The following ARHGEF3 variants were observed in gnomAD, a reference collection of about 807,000 sequenced individuals.
The protein encoded by ARHGEF3 is Rho guanine nucleotide exchange factor 3.
A neutral mutation model predicts 63.2 loss-of-function variants in ARHGEF3; 28 were observed. The ratio of observed to expected loss-of-function variants is 0.44; its 90% confidence interval spans 0.33 to 0.61. The LOEUF is 0.61. Ranked by LOEUF, ARHGEF3 falls within the 20% of genes least tolerant of loss-of-function variation. The pLI, the probability that ARHGEF3 is intolerant of heterozygous loss-of-function variation, is 0.03. For missense variants in ARHGEF3, 533 were observed against 659.3 expected, an observed-to-expected ratio of 0.81 and a Z score of 2.10; for synonymous variants, 266 against 254.2, an observed-to-expected ratio of 1.05 and a Z score of -0.44.
At chr3:56,841,552 A>C (rs2039309559) in intron 4 of ARHGEF3, among the ~76,000 whole-genome samples, 1 of 152,158 alleles carries the variant, frequency 6.6e-6, no homozygotes, top group Non-Finnish European at 1.5e-5. Context: ...AGAAATTTTA[A>C]AAATTTAAGT....
chr3:56,883,680 C>A, intron 3 of ARHGEF3, among the ~76,000 whole-genome samples: 1 of 152,172 alleles, frequency 6.6e-6, no homozygotes, highest in Middle Eastern at 3.2e-3. Flanking sequence ...CTCTTCTGCA[C>A]CCCCAGCTCA....
chr3:56,990,088 AT>A (rs1665995411), intron 2 of ARHGEF3, among the ~76,000 whole-genome samples: 1 of 152,224 alleles, frequency 6.6e-6, no homozygotes, highest in Non-Finnish European at 1.5e-5. Flanking sequence ...GCTCTGCCCC[AT>A]CTACCATCTT....
chr3:57,015,941 A>G (rs1463694236), intron 2 of ARHGEF3, among the ~76,000 whole-genome samples: 1 of 152,032 alleles, frequency 6.6e-6, no homozygotes, highest in East Asian at 1.9e-4. Context: ...TGGATCTCCA[A>G]TCCCCAGATG....
chr3:57,003,021 C>T (rs76568147), intron 2 of ARHGEF3, among the ~76,000 whole-genome samples: 32,849 of 151,282 alleles, frequency 0.22, 4,039 homozygotes, highest in Middle Eastern at 0.3. Context: ...CCACCCACCT[C>T]GGCCTCCCAA....
chr3:57,027,795 G>A (rs552251358), intron 2 of ARHGEF3, among the ~76,000 whole-genome samples: 1 of 152,182 alleles, frequency 6.6e-6, no homozygotes, highest in South Asian at 2.1e-4. Context: ...GGAGGTGGAG[G>A]TTGCAGTGAG....
At chr3:57,068,738 A>G (rs1579212250) in intron 1 of ARHGEF3, among the ~76,000 whole-genome samples, 1 of 152,038 alleles carries the variant, frequency 6.6e-6, no homozygotes, top group South Asian at 2.1e-4. Flanking sequence ...GAAGCGCCAA[A>G]CCTCAACTGT....
intron 2 of ARHGEF3, among the ~76,000 whole-genome samples, chr3:56,755,799 A>G (rs2035036938): frequency 6.6e-6 from 1 of 152,174 alleles, no homozygotes; most frequent in Admixed American, 6.5e-5. Context: ...CCCTAGTTAC[A>G]CAGAAGCATC....
chr3:56,775,836 C>T, intron 1 of ARHGEF3: 1 of 293,648 alleles, frequency 3.4e-6, no homozygotes, highest in Non-Finnish European at 5.1e-6. Context: ...TCTTAAGCAT[C>T]CCCTGAATTT....
intron 1 of ARHGEF3, among the ~76,000 whole-genome samples, chr3:57,035,688 G>A (rs948204420): frequency 2.6e-5 from 4 of 152,218 alleles, no homozygotes; most frequent in African/African-American, 9.6e-5. Context: ...GGGAGATATA[G>A]CCAAATATCT....
chr3:56,884,143 C>T (rs377239072), intron 3 of ARHGEF3, among the ~76,000 whole-genome samples: 10 of 152,268 alleles, frequency 6.6e-5, no homozygotes, highest in African/African-American at 2.4e-4. Context: ...CTCTGAGCCA[C>T]CTTTTCTCAA....
chr3:56,807,256 T>C (rs2037897063), intron 4 of ARHGEF3, among the ~76,000 whole-genome samples: 1 of 152,170 alleles, frequency 6.6e-6, no homozygotes, highest in African/African-American at 2.4e-5. Context: ...AATGAATGCT[T>C]ATTACAGTCA....
chr3:56,957,016 C>T (rs1258981623), intron 3 of ARHGEF3, among the ~76,000 whole-genome samples: 1 of 152,188 alleles, frequency 6.6e-6, no homozygotes, highest in Non-Finnish European at 1.5e-5. Flanking sequence ...CAGTAGCGAG[C>T]ATATTTAGTT....
intron 2 of ARHGEF3, among the ~76,000 whole-genome samples, chr3:56,967,700 A>T (rs1392511901): frequency 1.7e-4 from 12 of 72,142 alleles, no homozygotes; most frequent in African/African-American, 6.7e-4. Flanking sequence ...AACATAATAA[A>T]CATTATATTA....
At position 56,958,927 on chromosome 3, in the gene ARHGEF3, T is replaced by C. The variant is rs1043519781; in HGVS notation, c.63-38A>G. The C allele has an allele frequency of 2.6e-6, 4 of 1,527,034 alleles. No homozygotes were observed. The Admixed American group carries it at 5.9e-5, about 22-fold the overall frequency. The allele number at this position is 1,527,034 out of a possible 1,614,324, so 94.6% of individuals were successfully genotyped here. ...AGACAATGTATTCATTATTCAGTGG[T>C]TGGATATTCAGAGGAAGTCACTGCT... On this transcript the variant is annotated intron_variant, in intron 2 of 12. Coordinates refer to the ARHGEF3 transcript ENST00000338458.
rs145751344 is a variant in ARHGEF3, at chr3:57,013,965, C to T, written c.62+21123G>A. Among the ~76,000 whole-genome samples the T allele has an allele frequency of 1.2e-4, 19 of 152,318 alleles. No homozygotes were observed. In the East Asian group the frequency reaches 1.9e-3, roughly 15 times the overall value. ...TTTCCACTCTGGGGAAGTTTTGTTC[C>T]TCTGCTCTTTGCAATAAATCTTGCT... is the stretch of plus-strand genomic sequence containing the variant. On this transcript the variant is annotated intron_variant, in intron 2 of 12. Coordinates refer to the ARHGEF3 transcript ENST00000338458.
At chr3:56,777,940 G>A (rs2036363211) in intron 1 of ARHGEF3, among the ~76,000 whole-genome samples, 2 of 152,132 alleles carry the variant, frequency 1.3e-5, no homozygotes, top group Non-Finnish European at 2.9e-5. Flanking sequence ...AGTTGATGGA[G>A]CCAAATAAAA....
intron 1 of ARHGEF3, among the ~76,000 whole-genome samples, chr3:56,793,571 G>A (rs917592560): frequency 6.6e-6 from 1 of 152,162 alleles, no homozygotes; most frequent in African/African-American, 2.4e-5. Flanking sequence ...CCAAAGTGCT[G>A]GGATTACAGG....
chr3:56,780,960 T>A (rs530850845), intron 1 of ARHGEF3, among the ~76,000 whole-genome samples: 4 of 152,358 alleles, frequency 2.6e-5, no homozygotes, highest in Admixed American at 2.6e-4. Context: ...AATGTGACCT[T>A]ATTTGGAAAT....
chr3:56,971,335 CA>C (rs1434344776), intron 2 of ARHGEF3, among the ~76,000 whole-genome samples: 1 of 152,160 alleles, frequency 6.6e-6, no homozygotes, highest in Non-Finnish European at 1.5e-5. Context: ...GATCTGTATT[CA>C]CCCCAGTCAT....
Sources: allele counts gnomAD v4.1 joint callset (sites outside exome capture counted in the v4.1 genomes callset), GRCh38; gene constraint gnomAD v4.1.1; transcripts MANE v1.5; gene names NCBI Gene and HGNC (gene_info 2026-07-23, HGNC 2026-07-21).